The following ETV6 variants were observed in gnomAD, a reference collection of about 807,000 sequenced individuals.
ETV6 encodes ETS variant transcription factor 6.
In ETV6, 16 loss-of-function variants were observed where a neutral mutation model predicts 51.1. The observed-to-expected ratio is 0.31, with a 90% CI of 0.21 to 0.48. The LOEUF is 0.48. Among genes scored for constraint, ETV6 ranks in the 20% least tolerant of loss-of-function variants. The probability of loss-of-function intolerance (pLI) is 0.99; values close to 1 mark genes in which losing one functional copy is unlikely to be tolerated. For missense variants in ETV6, 458 were observed against 594.8 expected (o/e 0.77, Z 2.39); for synonymous variants, 240 against 224.1 (o/e 1.07, Z -0.64).
chr12:11,672,829 TG>T (rs757114064), intron 1 of ETV6, among the ~76,000 whole-genome samples: 207 of 152,244 alleles, frequency 1.4e-3, no homozygotes, highest in Middle Eastern at 3.4e-3. Flanking sequence ...AAGATCCCCT[TG>T]GGGTGAGGGT....
Position 11,892,127 on chromosome 12 carries a change from G to GT in ETV6, c.*1082dup, listed in dbSNP as rs753615610. 2 of 232,470 alleles carry GT rather than the reference G, an allele frequency of 8.6e-6. No individual in the cohort carries two copies. Among genetic ancestry groups the GT allele is most frequent in the African/African-American group, 2.2e-5 (1 of 45,174 alleles). 14.4% of individuals were successfully genotyped at this position (232,470 alleles called of 1,614,324 possible). A position where few individuals can be genotyped will look rare whatever the true frequency, so the allele number is the denominator to read the frequency against. ...GTGGGGATTTATTTTTCCAAAGCAG[G>GT]TAACAGAGGCTAGTGAGAAAGAAAA... On this transcript the variant is annotated 3_prime_UTR_variant, in exon 8 of 8. Coordinates refer to ENST00000396373, the MANE Select transcript of ETV6 (RefSeq NM_001987.5).
intron 2 of ETV6, among the ~76,000 whole-genome samples, chr12:11,759,465 T>G (rs1000691029): frequency 2.6e-5 from 4 of 152,192 alleles, no homozygotes; most frequent in African/African-American, 9.7e-5. Flanking sequence ...GTGCCCAGCT[T>G]TATTCTAGAC....
intron 5 of ETV6, among the ~76,000 whole-genome samples, chr12:11,881,112 A>AT (rs1947085145): frequency 6.6e-6 from 1 of 152,006 alleles, no homozygotes; most frequent in African/African-American, 2.4e-5. Flanking sequence ...TAATTTTTAA[A>AT]TTTTTTGTAG....
intron 2 of ETV6, among the ~76,000 whole-genome samples, chr12:11,767,086 A>G (rs549830632): frequency 3.2e-4 from 48 of 152,360 alleles, no homozygotes; most frequent in African/African-American, 1.1e-3. Flanking sequence ...GCGTGAGAAC[A>G]GTCATTATTA....
rs140941972 is a variant in ETV6, at chr12:11,858,954, T to G, written c.463+5393T>G. Among the ~76,000 whole-genome samples, 463 of 152,132 alleles carry G rather than the reference T, an allele frequency of 3.0e-3. 3 individuals are homozygous for G. Among genetic ancestry groups the G allele is most frequent in the African/African-American group, 9.9e-3 (411 of 41,494 alleles). On this transcript the variant is annotated intron_variant, in intron 4 of 7. Transcript: ENST00000396373. ...GAAAGATGGAGAGGGTGGCATGTGTTCTGCGATGGCCCACAGAAGTTTTAT... is the reference window on the plus strand; with the variant it reads ...GAAAGATGGAGAGGGTGGCATGTGTGCTGCGATGGCCCACAGAAGTTTTAT...
At chr12:11,762,242 T>G in intron 2 of ETV6, among the ~76,000 whole-genome samples, 1 of 152,232 alleles carries the variant, frequency 6.6e-6, no homozygotes, top group East Asian at 1.9e-4. Flanking sequence ...TCCCCTGTTC[T>G]CATAGCCCCC....
intron 1 of ETV6, among the ~76,000 whole-genome samples, chr12:11,711,016 T>C (rs547053579): frequency 6.6e-6 from 1 of 152,192 alleles, no homozygotes; most frequent in Non-Finnish European, 1.5e-5. Context: ...TCAGCTAGAC[T>C]TGGTAAATAT....
intron 5 of ETV6, among the ~76,000 whole-genome samples, chr12:11,871,215 T>C (rs567377061): frequency 3.8e-4 from 56 of 148,374 alleles, no homozygotes; most frequent in East Asian, 8.0e-4. Flanking sequence ...TTTTTTTTTT[T>C]CCACACTCTG....
chr12:11,741,688 C>T (rs543086938), intron 1 of ETV6, among the ~76,000 whole-genome samples: 1 of 152,172 alleles, frequency 6.6e-6, no homozygotes, highest in Non-Finnish European at 1.5e-5. Context: ...CTGTATTACA[C>T]AAATAATCTC....
intron 1 of ETV6, among the ~76,000 whole-genome samples, chr12:11,702,447 A>C (rs1865001145): frequency 6.6e-6 from 1 of 152,174 alleles, no homozygotes; most frequent in Admixed American, 6.5e-5. Flanking sequence ...CCAACTGGGC[A>C]CTTGGAAGGA....
chr12:11,774,999 A>C (rs940507512), intron 2 of ETV6, among the ~76,000 whole-genome samples: 1 of 152,224 alleles, frequency 6.6e-6, no homozygotes, highest in Non-Finnish European at 1.5e-5. Flanking sequence ...CTCTGGGCAT[A>C]AAAACACGAT....
intron 1 of ETV6, among the ~76,000 whole-genome samples, chr12:11,738,202 C>G (rs1453152710): frequency 2.0e-5 from 3 of 148,336 alleles, no homozygotes; most frequent in Non-Finnish European, 4.5e-5. Flanking sequence ...TGCTTGCTTT[C>G]TCCTTCCTTC....
intron 1 of ETV6, among the ~76,000 whole-genome samples, chr12:11,698,022 C>A (rs147422025): frequency 6.6e-6 from 1 of 152,288 alleles, no homozygotes; most frequent in East Asian, 1.9e-4. Context: ...AAAAAAACCT[C>A]TGGTTGTTCC....
rs55760034 is a variant in ETV6 at position 11,769,753 on chromosome 12, T to C, written c.163+17174T>C. Among the ~76,000 whole-genome samples, 1,087 of 152,306 alleles carry C rather than the reference T, an allele frequency of 7.1e-3. 13 individuals carry two copies. The highest frequency in any genetic ancestry group is 0.024 in the African/African-American group (1,015 of 41,560). On this transcript the variant is annotated intron_variant, in intron 2 of 7. Coordinates refer to ENST00000396373, the MANE Select transcript of ETV6 (RefSeq NM_001987.5). ...ACTGTAACATGCCCCTTCACTCCTC[T>C]GGTGAGGAAGTGCGGGAAGGTGGAA...
chr12:11,709,447 TCC>T (rs2120874262), intron 1 of ETV6, among the ~76,000 whole-genome samples: 1 of 152,230 alleles, frequency 6.6e-6, no homozygotes, highest in African/African-American at 2.4e-5. Flanking sequence ...CAAATGATCC[TCC>T]CACCTTAACC....
intron 5 of ETV6, among the ~76,000 whole-genome samples, chr12:11,882,569 G>C (rs1947113833): frequency 6.6e-6 from 1 of 152,178 alleles, no homozygotes; most frequent in Non-Finnish European, 1.5e-5. Context: ...ATGTAACCAG[G>C]CTTGTCGAAG....
intron 1 of ETV6, among the ~76,000 whole-genome samples, chr12:11,709,726 T>C (rs1457974932): frequency 6.6e-6 from 1 of 152,228 alleles, no homozygotes; most frequent in Non-Finnish European, 1.5e-5. Flanking sequence ...CCCTCCGTAA[T>C]GCGGGTAGGC....
At chr12:11,789,503 A>C (rs1945548902) in intron 2 of ETV6, among the ~76,000 whole-genome samples, 1 of 151,998 alleles carries the variant, frequency 6.6e-6, no homozygotes, top group Admixed American at 6.6e-5. Context: ...ACCTTTGTTC[A>C]CTTTTTCTCT....
At chr12:11,750,142 G>C (rs1284701627) in intron 1 of ETV6, among the ~76,000 whole-genome samples, 1 of 152,244 alleles carries the variant, frequency 6.6e-6, no homozygotes, top group East Asian at 1.9e-4. Flanking sequence ...AGCAGGTGCA[G>C]AAGTGTGGTG....
Sources: gnomAD v4.1 joint callset for allele counts (sites outside exome capture counted in the v4.1 genomes callset) on GRCh38, gnomAD v4.1.1 for gene constraint, MANE v1.5 for transcripts, NCBI Gene and HGNC (gene_info 2026-07-23, HGNC 2026-07-21) for gene names.